The following WDR3 variants were observed in gnomAD, a reference collection of about 807,000 sequenced individuals.
WDR3 encodes the protein WD repeat domain 3, also known as WD repeat-containing protein 3.
WDR3 carries 81 observed loss-of-function variants against 123.7 expected under a neutral mutation model. The ratio of observed to expected loss-of-function variants is 0.65; its 90% CI spans 0.55 to 0.79. The LOEUF is 0.79. Among genes scored for constraint, WDR3 ranks in the 30% least tolerant of loss-of-function variants. WDR3 has a pLI of 0.00. For missense variants in WDR3, 1,027 were observed against 1,123.2 expected (o/e 0.91, Z 1.22); for synonymous variants, 390 against 388.8 (o/e 1.00, Z -0.04).
intron 11 of WDR3, among the ~76,000 whole-genome samples, chr1:117,944,575 C>G (rs1052223953): frequency 6.6e-6 from 1 of 152,206 alleles, no homozygotes; most frequent in Non-Finnish European, 1.5e-5. Flanking sequence ...TGTCCCAAAC[C>G]AAACTTACGT....
chr1:117,961,264 A>G lies in WDR3; in HGVS notation c.*1817A>G, dbSNP rs1653060101. On this transcript the variant is annotated 3_prime_UTR_variant, in exon 27 of 27. Coordinates refer to ENST00000349139, the MANE Select transcript of WDR3 (RefSeq NM_006784.3). ...TGCCACCAGCATTCCAGCCTGGGCA[A>G]CACAGTGAGACTCCATCTCCAAAAT... 1 of 152,226 alleles carries G rather than the reference A, an allele frequency of 6.6e-6. No homozygotes were observed. Among genetic ancestry groups the G allele is most frequent in the South Asian group, 2.1e-4 (1 of 4,830 alleles). The allele number at this position is 152,226 out of a possible 1,614,324, so 9.4% of individuals were successfully genotyped here. A position where few individuals can be genotyped will look rare whatever the true frequency, so the allele number is the denominator to read the frequency against.
At chr1:117,942,998 G>A (rs1476438403) in intron 10 of WDR3, among the ~76,000 whole-genome samples, 1 of 151,236 alleles carries the variant, frequency 6.6e-6, no homozygotes, top group Non-Finnish European at 1.5e-5. Context: ...TGTTGCCCAG[G>A]CTGGAGTGCA....
At chr1:117,950,773 A>G (rs568912073) in intron 15 of WDR3, 61 bp from the exon 16 acceptor site, 4 of 1,345,294 alleles carry the variant, frequency 3.0e-6, no homozygotes, top group African/African-American at 2.9e-5. Flanking sequence ...TTAGACCTAC[A>G]TGTAATAAAT....
rs1358756060 is a variant in WDR3 at position 117,939,492 on chromosome 1, C to T, written c.595C>T (p.Leu199=). Reference sequence around the variant, plus strand: ...TATTCTATAGGTATGGGGGTTGGTTCTGTTGTCAGAAGAAAAGCGACTCAT... The same window carrying T: ...TATTCTATAGGTATGGGGGTTGGTTTTGTTGTCAGAAGAAAAGCGACTCAT... ...GHRTEVWGLV[L]LSEEKRLITG... is the part of the protein sequence containing the mutation. The change falls in exon 6 of 27, where the codon CTG becomes TTG. Residue 199 remains leucine (L), a synonymous_variant. Transcript: ENST00000349139. 8 of 1,609,544 alleles carry T rather than the reference C, an allele frequency of 5.0e-6. No individual in the cohort carries two copies. The highest frequency in any genetic ancestry group is 6.8e-6 in the Non-Finnish European group (8 of 1,177,562).
chr1:117,948,420 C>T lies in WDR3; in HGVS notation c.1438C>T (p.Leu480Phe). The T allele has an allele frequency of 1.2e-6, 2 of 1,613,956 alleles. No individual in the cohort carries two copies. The highest frequency in any genetic ancestry group is 8.5e-7 in the Non-Finnish European group (1 of 1,179,894). The change falls in exon 13 of 27, where the codon CTT (leucine) becomes TTT (phenylalanine). Residue 480 changes from leucine (L) to phenylalanine (F), a missense_variant. By Grantham distance (22) the Leu-to-Phe change is conservative. Coordinates refer to ENST00000349139, the MANE Select transcript of WDR3 (RefSeq NM_006784.3). ...VIGTKTGKLQ[L>F]YDLASGNLLE... ...GTCTTCCCAGACAGGGAAGCTGCAGCTTTATGACTTGGCTTCAGGGAATCT... is the reference window on the plus strand; with the variant it reads ...GTCTTCCCAGACAGGGAAGCTGCAGTTTTATGACTTGGCTTCAGGGAATCT...
In WDR3 at chr1:117,966,359, C is replaced by T. The variant is rs1036081657; in HGVS notation, c.*6912C>T. 3.1e-5 allele frequency: 10 copies of T among 326,698 alleles called. No homozygotes were observed. The highest frequency in any genetic ancestry group is 6.4e-5 in the African/African-American group (3 of 46,888). 20.2% of individuals were successfully genotyped at this position (326,698 alleles called of 1,614,324 possible). On this transcript the variant is annotated 3_prime_UTR_variant, in exon 27 of 27. Transcript: ENST00000349139. ...TGTTTTATTATTCTGTCTGATATTC[C>T]GTAGATAGCCAATAACATTTACATT...
At chr1:117,951,620 T>G (rs1316593422) in intron 16 of WDR3, among the ~76,000 whole-genome samples, 1 of 152,016 alleles carries the variant, frequency 6.6e-6, no homozygotes, top group African/African-American at 2.4e-5. Flanking sequence ...AGTAGAGTCT[T>G]TCTCAGCTTC....
Position 117,964,908 on chromosome 1 carries a change from T to G in WDR3, c.*5461T>G, listed in dbSNP as rs1258795180. The G allele has an allele frequency of 6.6e-6, 1 of 152,212 alleles. No homozygotes were observed. The highest frequency in any genetic ancestry group is 1.5e-5 in the Non-Finnish European group (1 of 68,034). 9.4% of individuals were successfully genotyped at this position (152,212 alleles called of 1,614,324 possible). A position where few individuals can be genotyped will look rare whatever the true frequency, so the allele number is the denominator to read the frequency against. On this transcript the variant is annotated 3_prime_UTR_variant, in exon 27 of 27. Transcript: ENST00000349139. ...ACCCTTCAGCTCTGTTTTTTATTAT[T>G]CTTTTGCCCTGTTTTGGATATTGCA...
Position 117,936,933 on chromosome 1 carries a change from G to T in WDR3, c.500+46G>T, listed in dbSNP as rs202047582. 7.7e-6 allele frequency: 12 copies of T among 1,551,390 alleles called. No homozygotes were observed. The East Asian group carries it at 1.1e-4, about 15-fold the overall frequency. The stretch of plus-strand genomic sequence containing the variant: ...TTTCCAGTTATTTTCTAGGAAGAGA[G>T]AATTTGCTTTATTCCTTACTCATTT... On this transcript the variant is annotated intron_variant, in intron 4 of 26. Transcript: ENST00000349139.
intron 8 of WDR3, among the ~76,000 whole-genome samples, 182 bp from the exon 9 acceptor site, chr1:117,941,568 T>A (rs1453042496): frequency 6.6e-6 from 1 of 152,212 alleles, no homozygotes; most frequent in Non-Finnish European, 1.5e-5. Context: ...AGAGCAATGC[T>A]ACAAGTAGGA....
At chr1:117,958,767 CTT>C (rs3215666) in intron 25 of WDR3, 141 bp from the exon 26 acceptor site, 17,333 of 352,712 alleles carry the variant, frequency 0.049, no homozygotes, top group East Asian at 0.075. Context: ...ACTTCTTTGG[CTT>C]TTTTTTTTTT....
intron 21 of WDR3, 113 bp from the exon 22 acceptor site, chr1:117,953,894 A>T: frequency 1.2e-6 from 1 of 863,616 alleles, no homozygotes; most frequent in Non-Finnish European, 1.8e-6. Flanking sequence ...CGTCTTTATT[A>T]AACAGATTGA....
At chr1:117,930,230 G>A (rs1264276467) in intron 1 of WDR3, among the ~76,000 whole-genome samples, 1 of 152,238 alleles carries the variant, frequency 6.6e-6, no homozygotes, top group African/African-American at 2.4e-5. Context: ...TGAACTGTCA[G>A]AAAGGAGGCG....
At position 117,950,141 on chromosome 1, in the gene WDR3, T is replaced by TA; in HGVS notation, c.1746+12dup. ...GTTGATACTTTAAAGGTACAGTGGT[T>TA]ATGCCTGCGGATATTTTCCCTTTCT... is the stretch of plus-strand genomic sequence containing the variant. On this transcript the variant is annotated intron_variant, in intron 15 of 26. Transcript: ENST00000349139. 1.2e-6 allele frequency: 2 copies of TA among 1,612,718 alleles called. No homozygotes were observed. The highest frequency in any genetic ancestry group is 1.7e-6 in the Non-Finnish European group (2 of 1,179,420).
At position 117,943,380 on chromosome 1, in the gene WDR3, T is replaced by C. The variant is rs1651249245; in HGVS notation, c.1098-16T>C. ...AAGATGGTAGCTAGAACATTTATGA[T>C]TATTTTCTTGTACAGGTCCTTTGAC... On this transcript the variant is annotated splice_polypyrimidine_tract_variant and intron_variant, in intron 10 of 26. Coordinates refer to ENST00000349139, the MANE Select transcript of WDR3 (RefSeq NM_006784.3). 1 of 1,602,308 alleles carries C rather than the reference T, an allele frequency of 6.2e-7. No individual in the cohort carries two copies. The highest frequency in any genetic ancestry group is 1.7e-5 in the Admixed American group (1 of 58,888).
chr1:117,937,312 A>G (rs912605162), intron 4 of WDR3, among the ~76,000 whole-genome samples: 10 of 152,192 alleles, frequency 6.6e-5, no homozygotes, highest in Non-Finnish European at 1.5e-4. Context: ...AGGATGAACC[A>G]TTTGAAATTT....
intron 1 of WDR3, among the ~76,000 whole-genome samples, chr1:117,932,328 G>A (rs1312240248): frequency 6.6e-6 from 1 of 152,232 alleles, no homozygotes; most frequent in Non-Finnish European, 1.5e-5. Context: ...TTCTCAAAGT[G>A]TGGTCCAAGA....
At chr1:117,952,766 T>G in intron 19 of WDR3, 104 bp downstream of exon 19, 1 of 1,486,012 alleles carries the variant, frequency 6.7e-7, no homozygotes, top group South Asian at 1.3e-5. Context: ...CATTGCCAAG[T>G]CCAAGAACCT....
rs1653037908 is a variant in WDR3 at position 117,961,159 on chromosome 1, T to A, written c.*1712T>A. ...CTAGCTGGGCGTGGTGGCAGGCGCT[T>A]GTAATCCCAGCTACTCAGGAGGCTG... On this transcript the variant is annotated 3_prime_UTR_variant, in exon 27 of 27. Transcript: ENST00000349139. 6.6e-6 allele frequency: 1 copy of A among 152,202 alleles called. No individual in the cohort carries two copies. The highest frequency in any genetic ancestry group is 6.6e-5 in the Admixed American group (1 of 15,264). The allele number at this position is 152,202 out of a possible 1,614,324, so 9.4% of individuals were successfully genotyped here.
Sources: allele counts gnomAD v4.1 joint callset (sites outside exome capture counted in the v4.1 genomes callset), GRCh38; gene constraint gnomAD v4.1.1; transcripts MANE v1.5; gene names NCBI Gene and HGNC (gene_info 2026-07-23, HGNC 2026-07-21).